The following ZNF570 variants were observed in gnomAD, a reference collection of about 807,000 sequenced individuals.
ZNF570 encodes zinc finger protein 570.
In ZNF570, 8 loss-of-function variants were observed where a neutral mutation model predicts 14.2. The observed-to-expected ratio is 0.56, with a 90% CI of 0.33 to 1.02. The LOEUF is 1.02. Among genes scored for constraint, ZNF570 ranks in the 50% least tolerant of loss-of-function variants. The pLI is 0.03. For missense variants in ZNF570, 559 were observed against 624.9 expected, an observed-to-expected ratio of 0.89 and a Z score of 1.12; for synonymous variants, 202 against 207.6, an observed-to-expected ratio of 0.97 and a Z score of 0.23.
intron 4 of ZNF570, among the ~76,000 whole-genome samples, chr19:37,480,551 G>T (rs1256102379): frequency 6.6e-6 from 1 of 152,072 alleles, no homozygotes; most frequent in Non-Finnish European, 1.5e-5. Flanking sequence ...CCTCATTTCA[G>T]TTATTCCTTG....
At chr19:37,472,936 T>C (rs1042249819) in intron 2 of ZNF570, among the ~76,000 whole-genome samples, 5 of 152,084 alleles carry the variant, frequency 3.3e-5, no homozygotes, top group African/African-American at 1.2e-4. Context: ...AGGAGCTAAG[T>C]GTTTGGCCTT....
At chr19:37,470,078 A>C in intron 1 of ZNF570, 1 of 433,422 alleles carries the variant, frequency 2.3e-6, no homozygotes, top group Non-Finnish European at 4.1e-6. Context: ...CATTCCTCTG[A>C]GTCTGTATTT....
At chr19:37,471,351 G>C (rs981764158) in intron 2 of ZNF570, among the ~76,000 whole-genome samples, 1 of 152,112 alleles carries the variant, frequency 6.6e-6, no homozygotes, top group Non-Finnish European at 1.5e-5. Flanking sequence ...CCTTGCACTT[G>C]CTATTCTCTC....
At position 37,470,695 on chromosome 19, in the gene ZNF570, CTTTTTTT is replaced by C. The variant is rs760686313; in HGVS notation, c.33+326_33+332del. 3.4e-3 allele frequency among the ~76,000 whole-genome samples: 313 copies of C among 92,994 alleles called. 1 individual carries two copies. The highest frequency in any genetic ancestry group is 0.013 in the African/African-American group (302 of 23,608). The allele number at this position is 92,994 out of a possible 152,430, so 61.0% of individuals were successfully genotyped here. ...TGTGGTGAGTACATTCTTATTTATT[CTTTTTTT>C]TTTTTTTTTTTTTTTTTGAGACAGA... On this transcript the variant is annotated intron_variant, in intron 2 of 4. Transcript: ENST00000330173.
upstream of ZNF570, chr19:37,468,071 G>GTTTT (rs35295578): frequency 1.5e-4 from 89 of 586,324 alleles, no homozygotes; most frequent in Admixed American, 1.8e-3. Flanking sequence ...TGCCTTTCGT[G>GTTTT]TTTTTTTTTT....
chr19:37,471,663 T>C (rs1197730697), intron 2 of ZNF570, among the ~76,000 whole-genome samples: 1 of 152,190 alleles, frequency 6.6e-6, no homozygotes, highest in Non-Finnish European at 1.5e-5. Flanking sequence ...ATAAGAGATA[T>C]GTCAAATGCA....
chr19:37,482,482 A>G (rs1378738889), intron 4 of ZNF570, among the ~76,000 whole-genome samples: 1 of 152,182 alleles, frequency 6.6e-6, no homozygotes, highest in East Asian at 1.9e-4. Context: ...AGATCTCATG[A>G]GAATTCGCTA....
chr19:37,469,277 G>C (rs2041910730), upstream of ZNF570: 4 of 1,410,984 alleles, frequency 2.8e-6, no homozygotes, highest in Non-Finnish European at 2.8e-6. Flanking sequence ...TTCTACTCCG[G>C]ACTACGTTTC....
intron 2 of ZNF570, among the ~76,000 whole-genome samples, 159 bp downstream of exon 2, chr19:37,470,546 C>T (rs118093852): frequency 0.028 from 4,234 of 152,270 alleles, 102 homozygotes; most frequent in South Asian, 0.1. Flanking sequence ...ACGCGTAAGT[C>T]CTTGTCTTGA....
At position 37,484,903 on chromosome 19, in the gene ZNF570, C is replaced by CT; in HGVS notation, c.1282dup (p.Tyr428LeufsTer16). 5.6e-6 allele frequency: 9 copies of CT among 1,613,226 alleles called. No homozygotes were observed. The highest frequency in any genetic ancestry group is 7.6e-6 in the Non-Finnish European group (9 of 1,179,820). ...GTAGGAAAGCATTCAGCCAGATTGC[C>CT]TACCTTGCTCAGCATCAAAGAGTTC... On this transcript the variant is annotated frameshift_variant, in exon 5 of 5. Transcript: ENST00000330173. LOFTEE classifies it low-confidence loss of function (END_TRUNC).
At chr19:37,468,022 C>A, upstream of ZNF570, 1 of 1,215,988 alleles carries the variant, frequency 8.2e-7, no homozygotes, top group Non-Finnish European at 1.2e-6. Flanking sequence ...CTTGGCCTTA[C>A]TAGCTGTGTC....
rs1389054489 is a variant in ZNF570 at position 37,486,388 on chromosome 19, G to T, written c.*1155G>T. 6.6e-6 allele frequency: 1 copy of T among 152,174 alleles called. No homozygotes were observed. Among genetic ancestry groups the T allele is most frequent in the East Asian group, 1.9e-4 (1 of 5,200 alleles). The allele number at this position is 152,174 out of a possible 1,614,324, so 9.4% of individuals were successfully genotyped here. A position where few individuals can be genotyped will look rare whatever the true frequency, so the allele number is the denominator to read the frequency against. The stretch of plus-strand genomic sequence containing the variant: ...ATATAGGATACTGTACTGTAGAAAT[G>T]TAAGTATTAAGTGAAATAGTGTCTG... On this transcript the variant is annotated 3_prime_UTR_variant, in exon 5 of 5. Transcript: ENST00000330173.
intron 4 of ZNF570, among the ~76,000 whole-genome samples, chr19:37,477,408 C>T (rs924409715): frequency 1.3e-5 from 2 of 149,280 alleles, no homozygotes; most frequent in African/African-American, 4.9e-5. Flanking sequence ...GGCATGATCT[C>T]GGCTCACTGC....
At position 37,475,828 on chromosome 19, in the gene ZNF570, G is replaced by A. The variant is rs2042016871; in HGVS notation, c.34-53G>A. The A allele has an allele frequency of 5.1e-6, 8 of 1,563,644 alleles. No individual in the cohort carries two copies. The Admixed American group carries it at 1.5e-4, about 29-fold the overall frequency. On this transcript the variant is annotated intron_variant, in intron 2 of 4. Coordinates refer to ENST00000330173, the MANE Select transcript of ZNF570 (RefSeq NM_144694.5). The stretch of plus-strand genomic sequence containing the variant: ...AGAGCCCAGTGTGCCTAGGGCAGAG[G>A]AAATGAGGTGAATATGGTAAGAGAT...
intron 2 of ZNF570, among the ~76,000 whole-genome samples, chr19:37,473,616 T>A (rs145834738): frequency 7.0e-4 from 107 of 151,972 alleles, no homozygotes; most frequent in African/African-American, 2.4e-3. Context: ...TTATGAAGGG[T>A]TTGGTACTGA....
intron 4 of ZNF570, among the ~76,000 whole-genome samples, chr19:37,480,103 C>A (rs1295157482): frequency 6.6e-6 from 1 of 152,132 alleles, no homozygotes; most frequent in Non-Finnish European, 1.5e-5. Context: ...TATTTCTATT[C>A]TGTACTGGTT....
At chr19:37,468,664 C>T (rs1004759340), upstream of ZNF570, among the ~76,000 whole-genome samples, 2 of 152,174 alleles carry the variant, frequency 1.3e-5, no homozygotes, top group African/African-American at 4.8e-5. Context: ...TGCCACCACG[C>T]CCGGCTAATT....
upstream of ZNF570, chr19:37,469,349 C>G: frequency 7.0e-7 from 1 of 1,424,922 alleles, no homozygotes; most frequent in Non-Finnish European, 9.2e-7. Flanking sequence ...GCGGAGGCAG[C>G]TGAGGCGCTT....
At chr19:37,468,419 C>G (rs940471103), upstream of ZNF570, among the ~76,000 whole-genome samples, 1 of 152,126 alleles carries the variant, frequency 6.6e-6, no homozygotes. Context: ...GATAATAGGC[C>G]GGACGCGGTG....
Sources: gnomAD v4.1 joint callset for allele counts (sites outside exome capture counted in the v4.1 genomes callset) on GRCh38, gnomAD v4.1.1 for gene constraint, MANE v1.5 for transcripts, NCBI Gene and HGNC (gene_info 2026-07-23, HGNC 2026-07-21) for gene names.